NRG1: variants seen among roughly 807,000 people sequenced by gnomAD.
NRG1 encodes the protein neuregulin 1.
NRG1 carries 18 observed loss-of-function variants against 63.8 expected under a neutral mutation model. The ratio of observed to expected loss-of-function variants is 0.28; its 90% CI spans 0.19 to 0.42. The LOEUF is 0.42. Among genes scored for constraint, NRG1 ranks in the 10% least tolerant of loss-of-function variants. The pLI, the probability that NRG1 is intolerant of heterozygous loss-of-function variation, is 1.00. For missense variants in NRG1, 762 were observed against 814.7 expected (o/e 0.94, Z 0.79); for synonymous variants, 302 against 301.3 (o/e 1.00, Z -0.02).
At chr8:31,702,451 A>T (rs897991823) in intron 1 of NRG1, among the ~76,000 whole-genome samples, 8 of 146,636 alleles carry the variant, frequency 5.5e-5, no homozygotes, top group South Asian at 2.2e-4. Flanking sequence ...TTCCCATAAC[A>T]TTTTTTTTTT....
chr8:31,885,485 G>C (rs1830650043), intron 1 of NRG1, among the ~76,000 whole-genome samples: 1 of 152,036 alleles, frequency 6.6e-6, no homozygotes, highest in African/African-American at 2.4e-5. Flanking sequence ...ATAAAGAGTT[G>C]ACTAATAAAT....
chr8:31,739,989 G>A (rs1005675954), intron 1 of NRG1, among the ~76,000 whole-genome samples: 3 of 151,900 alleles, frequency 2.0e-5, no homozygotes, highest in Admixed American at 6.6e-5. Flanking sequence ...CTTAAGAAAC[G>A]GATTGAAACT....
chr8:32,592,255 G>T (rs1842662564), intron 1 of NRG1, among the ~76,000 whole-genome samples: 1 of 152,014 alleles, frequency 6.6e-6, no homozygotes, highest in Admixed American at 6.6e-5. Context: ...AGATTCCTTT[G>T]CGTAACCACA....
At chr8:31,998,997 A>T (rs193062193) in intron 1 of NRG1, among the ~76,000 whole-genome samples, 142 of 152,088 alleles carry the variant, frequency 9.3e-4, no homozygotes, top group Non-Finnish European at 1.7e-3. Context: ...AAGAAGACCC[A>T]AAGCAGGTTG....
chr8:32,583,170 T>C (rs1483606920), intron 1 of NRG1, among the ~76,000 whole-genome samples: 1 of 152,188 alleles, frequency 6.6e-6, no homozygotes, highest in African/African-American at 2.4e-5. Flanking sequence ...TTCTTAGATA[T>C]TTATAGATGG....
intron 1 of NRG1, among the ~76,000 whole-genome samples, chr8:32,531,917 A>G (rs1215716087): frequency 2.0e-5 from 3 of 152,202 alleles, no homozygotes; most frequent in Non-Finnish European, 4.4e-5. Context: ...ATATGACTAG[A>G]ATAACTGCAA....
intron 1 of NRG1, among the ~76,000 whole-genome samples, chr8:32,158,335 G>A (rs1267566787): frequency 4.6e-5 from 7 of 151,118 alleles, no homozygotes; most frequent in Admixed American, 4.0e-4. Flanking sequence ...TGCTAAGAAT[G>A]AGGTAATAGG....
At chr8:31,829,537 C>G (rs556069092) in intron 1 of NRG1, among the ~76,000 whole-genome samples, 1 of 152,310 alleles carries the variant, frequency 6.6e-6, no homozygotes, top group Admixed American at 6.5e-5. Flanking sequence ...TCCACTGTCT[C>G]ATGTCTTATA....
intron 5 of NRG1, among the ~76,000 whole-genome samples, chr8:32,708,933 A>G (rs540011378): frequency 7.9e-5 from 12 of 152,358 alleles, no homozygotes; most frequent in East Asian, 1.9e-4. Context: ...ATTAACTGCA[A>G]TATGGCCCAG....
intron 1 of NRG1, among the ~76,000 whole-genome samples, chr8:31,878,920 C>A (rs1018513987): frequency 1.3e-5 from 2 of 151,988 alleles, no homozygotes; most frequent in African/African-American, 4.8e-5. Flanking sequence ...ATGAAAGTGG[C>A]ATCCTGTTGG....
chr8:31,748,158 T>C (rs1288739690), intron 1 of NRG1, among the ~76,000 whole-genome samples: 1 of 152,014 alleles, frequency 6.6e-6, no homozygotes, highest in Non-Finnish European at 1.5e-5. Flanking sequence ...GTCAACATTC[T>C]TTTCATACTA....
At chr8:32,620,960 A>T (rs1848237133) in intron 5 of NRG1, among the ~76,000 whole-genome samples, 1 of 152,142 alleles carries the variant, frequency 6.6e-6, no homozygotes, top group African/African-American at 2.4e-5. Flanking sequence ...TAGTAATCAG[A>T]AATATATTTT....
Position 31,640,565 on chromosome 8 carries a change from C to A in NRG1, c.37+1134C>A. 6.2e-7 allele frequency: 1 copy of A among 1,611,930 alleles called. No homozygotes were observed. The highest frequency in any genetic ancestry group is 8.5e-7 in the Non-Finnish European group (1 of 1,179,440). On this transcript the variant is annotated intron_variant, in intron 1 of 10. Transcript: ENST00000519301. This position sits in a 1 kb window ranked among gnomAD's most constrained non-coding sequence, Gnocchi z 6.3. ...GGGACCTGGGGCCACCCCGCCTTCC[C>A]CTCCTGCGGGAGGCTCAAGGAGGAC...
At chr8:32,110,136 C>G (rs1259515387) in intron 1 of NRG1, among the ~76,000 whole-genome samples, 1 of 152,046 alleles carries the variant, frequency 6.6e-6, no homozygotes, top group Non-Finnish European at 1.5e-5. Context: ...AAAAATCTTG[C>G]TAGAAATCAT....
intron 1 of NRG1, among the ~76,000 whole-genome samples, chr8:32,158,303 G>A (rs951165869): frequency 6.6e-5 from 10 of 151,236 alleles, no homozygotes; most frequent in South Asian, 6.3e-4. Context: ...CTACTTATCC[G>A]TCTGGGGTGC....
intron 1 of NRG1, among the ~76,000 whole-genome samples, chr8:32,284,056 T>C (rs1308934132): frequency 6.6e-6 from 1 of 152,216 alleles, no homozygotes; most frequent in Non-Finnish European, 1.5e-5. Context: ...GGCCACTTTA[T>C]GTTAACAAAG....
chr8:31,976,951 T>C (rs920279810), intron 1 of NRG1, among the ~76,000 whole-genome samples: 4 of 152,210 alleles, frequency 2.6e-5, no homozygotes, highest in African/African-American at 9.7e-5. Flanking sequence ...TTATTACTTA[T>C]GAAGATGAAA....
exon 5 of NRG1, chr8:32,616,837 T>C (rs761830754): frequency 3.7e-6 from 6 of 1,602,004 alleles, no homozygotes; most frequent in South Asian, 1.1e-5. Context: ...TTTTATAGAG[T>C]CTCCCATTAG....
chr8:32,241,853 G>T (rs1220471174), intron 1 of NRG1, among the ~76,000 whole-genome samples: 1 of 151,698 alleles, frequency 6.6e-6, no homozygotes, highest in Non-Finnish European at 1.5e-5. Context: ...CGAACTCCTG[G>T]GCTTAAGCAA....
Sources: allele counts gnomAD v4.1 joint callset (sites outside exome capture counted in the v4.1 genomes callset), GRCh38; gene constraint gnomAD v4.1.1; non-coding constraint Gnocchi (gnomAD v3.1); transcripts MANE v1.5; gene names NCBI Gene and HGNC (gene_info 2026-07-23, HGNC 2026-07-21).